The following PDE11A variants were observed in gnomAD, a reference collection of about 807,000 sequenced individuals.
PDE11A encodes phosphodiesterase 11A, also known as dual 3',5'-cyclic-AMP and -GMP phosphodiesterase 11A.
PDE11A carries 100 observed loss-of-function variants against 100.5 expected under a neutral mutation model. The ratio of observed to expected loss-of-function variants is 1.00; its 90% CI spans 0.85 to 1.18. The LOEUF (loss-of-function observed/expected upper bound fraction) is 1.18, where lower values mean the gene tolerates loss of function less well. Among genes scored for constraint, PDE11A ranks in the 50% most tolerant of loss-of-function variants. The pLI is 0.00. For missense variants in PDE11A, 1,141 were observed against 1,152.6 expected (o/e 0.99, Z 0.15); for synonymous variants, 381 against 420.8 (o/e 0.91, Z 1.16).
chr2:177,689,492 A>T (rs1028748729), intron 15 of PDE11A, among the ~76,000 whole-genome samples: 3 of 152,116 alleles, frequency 2.0e-5, no homozygotes, highest in African/African-American at 7.3e-5. Flanking sequence ...CTTGCTCAAC[A>T]GGCAAATCAT....
chr2:177,806,551 A>G (rs974953893), intron 9 of PDE11A, among the ~76,000 whole-genome samples: 2 of 152,208 alleles, frequency 1.3e-5, no homozygotes, highest in African/African-American at 4.8e-5. Flanking sequence ...TATTTAGTTC[A>G]AACAAATCTA....
intron 9 of PDE11A, among the ~76,000 whole-genome samples, chr2:177,803,598 T>C (rs2105557057): frequency 6.6e-6 from 1 of 152,126 alleles, no homozygotes; most frequent in East Asian, 1.9e-4. Flanking sequence ...AAAAAGATAA[T>C]ATACCATGAT....
chr2:178,075,664 A>G (rs1030933597), upstream of PDE11A, among the ~76,000 whole-genome samples: 2 of 151,874 alleles, frequency 1.3e-5, no homozygotes, highest in Admixed American at 6.6e-5. Flanking sequence ...CCTCCCTTCT[A>G]TCAGCAACCA....
At position 177,627,355 on chromosome 2, in the gene PDE11A, G is replaced by C. The variant is rs1265202702; in HGVS notation, c.*2052C>G. On this transcript the variant is annotated 3_prime_UTR_variant, in exon 20 of 20. Coordinates refer to ENST00000286063, the MANE Select transcript of PDE11A (RefSeq NM_016953.4). Reference sequence around the variant, plus strand: ...CCGGTCTATACATTTCTTTTACTTTGTTTCTTGCCATAAAGAGTCTTTTTC... The same window carrying C: ...CCGGTCTATACATTTCTTTTACTTTCTTTCTTGCCATAAAGAGTCTTTTTC... 6.6e-6 allele frequency: 1 copy of C among 151,552 alleles called. No individual in the cohort carries two copies. Among genetic ancestry groups the C allele is most frequent in the Admixed American group, 6.6e-5 (1 of 15,226 alleles). The allele number at this position is 151,552 out of a possible 1,614,324, so 9.4% of individuals were successfully genotyped here.
chr2:177,971,944 A>G (rs990562372), intron 2 of PDE11A, among the ~76,000 whole-genome samples: 1 of 152,234 alleles, frequency 6.6e-6, no homozygotes, highest in Non-Finnish European at 1.5e-5. Flanking sequence ...TGGGCATAAT[A>G]AGAACTGGAT....
At chr2:177,874,268 A>G (rs1176592566) in intron 5 of PDE11A, among the ~76,000 whole-genome samples, 1 of 152,196 alleles carries the variant, frequency 6.6e-6, no homozygotes, top group Non-Finnish European at 1.5e-5. Flanking sequence ...CATGGGGGGA[A>G]TGCCTACTTC....
rs1249473052 is a variant in PDE11A at position 177,631,300 on chromosome 2, A to AC, written c.2647-1739_2647-1738insG. The stretch of plus-strand genomic sequence containing the variant: ...ATCTCTACTAAAAATGCAAAAAAAA[A>AC]AAAAAAAAAACAAAAAAAAAAACAA... On this transcript the variant is annotated intron_variant, in intron 19 of 19. Transcript: ENST00000286063. 1.9e-3 allele frequency among the ~76,000 whole-genome samples: 86 copies of AC among 44,376 alleles called. 1 individual carries two copies. The highest frequency in any genetic ancestry group is 5.2e-3 in the African/African-American group (86 of 16,442). The allele number at this position is 44,376 out of a possible 152,430, so 29.1% of individuals were successfully genotyped here. A position where few individuals can be genotyped will look rare whatever the true frequency, so the allele number is the denominator to read the frequency against.
intron 6 of PDE11A, among the ~76,000 whole-genome samples, chr2:177,824,479 A>C (rs2083195650): frequency 6.6e-6 from 1 of 152,214 alleles, no homozygotes; most frequent in East Asian, 1.9e-4. Context: ...TCTTAACCTG[A>C]AGGCTTTACT....
At chr2:177,700,112 C>T (rs928301421) in intron 14 of PDE11A, among the ~76,000 whole-genome samples, 4 of 152,154 alleles carry the variant, frequency 2.6e-5, no homozygotes, top group Non-Finnish European at 5.9e-5. Flanking sequence ...TACTGAGAGC[C>T]TAACTCTTGG....
intron 6 of PDE11A, among the ~76,000 whole-genome samples, chr2:177,832,519 G>C (rs2083326884): frequency 6.6e-6 from 1 of 151,922 alleles, no homozygotes; most frequent in African/African-American, 2.4e-5. Context: ...AGGACCTTGT[G>C]ATCATATGAG....
At chr2:177,998,576 A>T (rs1200142539) in intron 2 of PDE11A, 5 of 1,304,552 alleles carry the variant, frequency 3.8e-6, no homozygotes, top group South Asian at 1.2e-5. Context: ...CTAACTGTGC[A>T]TTGATAGCAG....
At position 177,871,505 on chromosome 2, in the gene PDE11A, GA is replaced by G. The variant is rs2084132482; in HGVS notation, c.1367+4353del. 3.3e-5 allele frequency among the ~76,000 whole-genome samples: 5 copies of G among 150,696 alleles called. No individual in the cohort carries two copies. In the South Asian group the frequency reaches 1.1e-3, roughly 32 times the overall value. On this transcript the variant is annotated intron_variant, in intron 5 of 19. Transcript: ENST00000286063. ...AGGATTTATGGGTGGTCACTTGGAA[GA>G]AATGATGAGTCAGTAGTAAATTATT...
In PDE11A at chr2:177,911,214, G is replaced by C. The variant is rs1022197841; in HGVS notation, c.1072-6027C>G. ...AAATGCTGAATAAACTCTTCAAGTAGAGTAATTTAGAAAATAACATATCAA... is the reference window on the plus strand; with the variant it reads ...AAATGCTGAATAAACTCTTCAAGTACAGTAATTTAGAAAATAACATATCAA... On this transcript the variant is annotated intron_variant, in intron 2 of 19. Coordinates refer to ENST00000286063, the MANE Select transcript of PDE11A (RefSeq NM_016953.4). Among the ~76,000 whole-genome samples, 5 of 152,140 alleles carry C rather than the reference G, an allele frequency of 3.3e-5. No individual in the cohort carries two copies. The East Asian group carries it at 7.7e-4, about 23-fold the overall frequency.
At chr2:177,681,395 G>A (rs1004928859) in intron 15 of PDE11A, among the ~76,000 whole-genome samples, 1 of 152,164 alleles carries the variant, frequency 6.6e-6, no homozygotes, top group African/African-American at 2.4e-5. Flanking sequence ...CCATTTCAGT[G>A]CTTAAACGCA....
chr2:177,996,295 A>G (rs1431663242), intron 2 of PDE11A, among the ~76,000 whole-genome samples: 1 of 151,934 alleles, frequency 6.6e-6, no homozygotes, highest in Non-Finnish European at 1.5e-5. Context: ...AATAACAATA[A>G]TCATGTAAGT....
chr2:177,721,659 T>C (rs1271871382), intron 12 of PDE11A, among the ~76,000 whole-genome samples: 1 of 152,146 alleles, frequency 6.6e-6, no homozygotes, highest in Non-Finnish European at 1.5e-5. Context: ...GTTTTGTCCA[T>C]GTTTAGAAAT....
intron 10 of PDE11A, among the ~76,000 whole-genome samples, chr2:177,761,851 T>C (rs1007409063): frequency 2.6e-5 from 4 of 152,120 alleles, no homozygotes; most frequent in Non-Finnish European, 4.4e-5. Flanking sequence ...AAGTTAGAGT[T>C]TGGAATACTT....
intron 2 of PDE11A, among the ~76,000 whole-genome samples, chr2:178,089,316 A>C (rs2087393835): frequency 6.6e-6 from 1 of 152,232 alleles, no homozygotes; most frequent in Admixed American, 6.5e-5. Context: ...TTACTGAAGA[A>C]GAGACTACTG....
chr2:178,083,132 C>T (rs1422310330), intron 2 of PDE11A, among the ~76,000 whole-genome samples: 1 of 143,592 alleles, frequency 7.0e-6, no homozygotes, highest in East Asian at 2.0e-4. Context: ...TGGAGTCTTG[C>T]TCTGTCACCT....
Sources: allele counts gnomAD v4.1 joint callset (sites outside exome capture counted in the v4.1 genomes callset), GRCh38; gene constraint gnomAD v4.1.1; transcripts MANE v1.5; gene names NCBI Gene and HGNC (gene_info 2026-07-23, HGNC 2026-07-21).